Variants in CRACDL observed in about 807,000 individuals in gnomAD.
CRACDL encodes the protein CRACD-like protein.
A neutral mutation model predicts 70.6 loss-of-function variants in CRACDL; 26 were observed. The observed-to-expected ratio is 0.37, with a 90% CI of 0.27 to 0.51. The LOEUF is 0.51. Ranked by LOEUF, CRACDL falls within the 20% of genes least tolerant of loss-of-function variation. The pLI is 0.94. For missense variants in CRACDL, 1,283 were observed against 1,376.9 expected, an observed-to-expected ratio of 0.93 and a Z score of 1.08; for synonymous variants, 618 against 615.2, an observed-to-expected ratio of 1.00 and a Z score of -0.07.
In CRACDL at chr2:98,797,576, T is replaced by A. The variant is rs527811137; in HGVS notation, c.2417-39A>T. The A allele has an allele frequency of 6.5e-5, 104 of 1,593,954 alleles. No individual in the cohort carries two copies. In the South Asian group the frequency reaches 1.1e-3, roughly 17 times the overall value. Reference sequence around the variant, plus strand: ...GCACAAGATTATAGAAACAGTCCTATTCCCTCTTCGGTTGCACCCTTTGTG... The same window carrying A: ...GCACAAGATTATAGAAACAGTCCTAATCCCTCTTCGGTTGCACCCTTTGTG... On this transcript the variant is annotated intron_variant, in intron 7 of 9. Transcript: ENST00000397899.
chr2:98,908,389 T>A (rs1708466459), intron 1 of CRACDL: 2 of 152,276 alleles, frequency 1.3e-5, no homozygotes, highest in Non-Finnish European at 2.9e-5. Context: ...CAAAAGTTAT[T>A]TACCTGGCAA....
At chr2:98,916,877 T>C (rs1015993475) in intron 1 of CRACDL, among the ~76,000 whole-genome samples, 2 of 152,180 alleles carry the variant, frequency 1.3e-5, no homozygotes, top group African/African-American at 4.8e-5. Context: ...TCAGCACCTG[T>C]CCTTCGGTAT....
At chr2:98,866,094 G>A (rs116194405) in intron 1 of CRACDL, among the ~76,000 whole-genome samples, 279 of 152,226 alleles carry the variant, frequency 1.8e-3, no homozygotes, top group African/African-American at 6.5e-3. Flanking sequence ...TGACATATAA[G>A]AGAAAAGAAA....
intron 7 of CRACDL, 127 bp from the exon 8 acceptor site, chr2:98,797,664 C>A: frequency 1.2e-6 from 1 of 806,454 alleles, no homozygotes; most frequent in Non-Finnish European, 2.0e-6. Context: ...GAGAGGATTA[C>A]TTTCTTTAGG....
intron 1 of CRACDL, among the ~76,000 whole-genome samples, chr2:98,900,250 A>G (rs1573171125): frequency 2.7e-5 from 1 of 36,990 alleles, no homozygotes; most frequent in South Asian, 1.0e-3. Context: ...GCTCAGTAGG[A>G]GGGAAGGCAG....
intron 7 of CRACDL, among the ~76,000 whole-genome samples, chr2:98,800,652 C>T (rs1704036550): frequency 6.6e-6 from 1 of 152,208 alleles, no homozygotes; most frequent in South Asian, 2.1e-4. Flanking sequence ...CCTAAGTCCT[C>T]TGTAACCTCT....
chr2:98,917,030 T>C (rs1708683648), intron 1 of CRACDL, among the ~76,000 whole-genome samples: 1 of 152,186 alleles, frequency 6.6e-6, no homozygotes, highest in African/African-American at 2.4e-5. Context: ...GCACCTTCTG[T>C]CTCCTATCTT....
intron 1 of CRACDL, among the ~76,000 whole-genome samples, chr2:98,928,602 G>A (rs1035307205): frequency 3.3e-5 from 5 of 152,166 alleles, no homozygotes; most frequent in Admixed American, 6.5e-5. Flanking sequence ...AGAGGCTGAC[G>A]CAGGCCCACA....
intron 1 of CRACDL, among the ~76,000 whole-genome samples, chr2:98,866,615 G>A (rs919319774): frequency 1.3e-5 from 2 of 150,192 alleles, no homozygotes; most frequent in South Asian, 2.1e-4. Context: ...AGCCTCCTGA[G>A]TAGCCGGGAT....
At chr2:98,861,041 T>TA (rs1253449618) in intron 1 of CRACDL, among the ~76,000 whole-genome samples, 1 of 152,166 alleles carries the variant, frequency 6.6e-6, no homozygotes, top group Admixed American at 6.5e-5. Context: ...TCAACCCTCT[T>TA]AGTCACTAGA....
chr2:98,935,917 A>G (rs1006438966), intron 1 of CRACDL, 21 bp downstream of exon 1: 1 of 151,780 alleles, frequency 6.6e-6, no homozygotes, highest in Non-Finnish European at 1.5e-5. Context: ...GGGACACGCG[A>G]TTTCAAACCC....
At chr2:98,807,854 A>G (rs1242457785) in intron 7 of CRACDL, among the ~76,000 whole-genome samples, 3 of 152,202 alleles carry the variant, frequency 2.0e-5, no homozygotes, top group Admixed American at 1.3e-4. Flanking sequence ...AGAAAGGTGA[A>G]GTATTATGGT....
At chr2:98,905,202 A>G (rs1456416421) in intron 1 of CRACDL, among the ~76,000 whole-genome samples, 6 of 146,214 alleles carry the variant, frequency 4.1e-5, no homozygotes, top group Non-Finnish European at 7.5e-5. Context: ...GTGAGCCGAG[A>G]TTGCACCACT....
rs186306672 is a variant in CRACDL, at chr2:98,889,138, G to C, written c.-10-42328C>G. On this transcript the variant is annotated intron_variant, in intron 1 of 9. Transcript: ENST00000397899. ...CAAGACTCTGTCAAAAAAAAAAGGG[G>C]GGGGAAGAAAAGAAAAGAAGGAAGG... is the stretch of plus-strand genomic sequence containing the variant. Among the ~76,000 whole-genome samples, 333 of 146,142 alleles carry C rather than the reference G, an allele frequency of 2.3e-3. 1 individual carries two copies. Among genetic ancestry groups the C allele is most frequent in the Middle Eastern group, 0.014 (4 of 290 alleles).
chr2:98,930,821 G>T (rs1489939415), intron 1 of CRACDL, among the ~76,000 whole-genome samples: 1 of 152,172 alleles, frequency 6.6e-6, no homozygotes, highest in East Asian at 1.9e-4. Flanking sequence ...GTCCTAACTG[G>T]TAGTTATAAC....
intron 1 of CRACDL, among the ~76,000 whole-genome samples, chr2:98,917,410 G>A (rs1708691929): frequency 6.6e-6 from 1 of 152,124 alleles, no homozygotes; most frequent in African/African-American, 2.4e-5. Context: ...AAACTGCTTG[G>A]CAGAAAGCTT....
At position 98,837,889 on chromosome 2, in the gene CRACDL, C is replaced by T. The variant is rs540262114; in HGVS notation, c.239+230G>A. Among the ~76,000 whole-genome samples the T allele has an allele frequency of 3.3e-5, 5 of 152,188 alleles. No individual in the cohort carries two copies. In the South Asian group the frequency reaches 1.0e-3, roughly 32 times the overall value. On this transcript the variant is annotated intron_variant, in intron 3 of 9. Coordinates refer to ENST00000397899, the MANE Select transcript of CRACDL (RefSeq NM_207362.3). Reference sequence around the variant, plus strand: ...AATTTTATCTAGGGCTTATTTTGTCCGTTTATAAAATGGCATATAGTACCT... The same window carrying T: ...AATTTTATCTAGGGCTTATTTTGTCTGTTTATAAAATGGCATATAGTACCT...
At chr2:98,906,437 T>G (rs986253943) in intron 1 of CRACDL, among the ~76,000 whole-genome samples, 16 of 152,034 alleles carry the variant, frequency 1.1e-4, no homozygotes, top group African/African-American at 3.9e-4. Flanking sequence ...AATTTTTGTA[T>G]TTTTAGTACA....
intron 7 of CRACDL, among the ~76,000 whole-genome samples, chr2:98,813,823 C>T (rs1704671160): frequency 6.6e-6 from 1 of 152,094 alleles, no homozygotes; most frequent in African/African-American, 2.4e-5. Context: ...TAGAAATCAC[C>T]AGTCAAACCA....
Sources: gnomAD v4.1 joint callset for allele counts (sites outside exome capture counted in the v4.1 genomes callset) on GRCh38, gnomAD v4.1.1 for gene constraint, MANE v1.5 for transcripts, NCBI Gene and HGNC (gene_info 2026-07-23, HGNC 2026-07-21) for gene names.